Variants in DGKI observed in about 807,000 individuals in gnomAD.
DGKI encodes the protein diacylglycerol kinase iota, also known as DAG kinase iota.
DGKI carries 55 observed loss-of-function variants against 147.5 expected under a neutral mutation model. The ratio of observed to expected loss-of-function variants is 0.37; its 90% CI spans 0.30 to 0.47. The LOEUF (loss-of-function observed/expected upper bound fraction) is 0.47, where lower values mean the gene tolerates loss of function less well. Among genes scored for constraint, DGKI ranks in the 20% least tolerant of loss-of-function variants. The pLI is 1.00. For synonymous variants in DGKI, 469 were observed against 477.1 expected (o/e 0.98, Z 0.22); for missense variants, 1,007 against 1,323.8 (o/e 0.76, Z 3.71).
At chr7:137,688,399 G>A (rs1194003690) in intron 2 of DGKI, among the ~76,000 whole-genome samples, 2 of 152,218 alleles carry the variant, frequency 1.3e-5, no homozygotes, top group South Asian at 4.1e-4. Flanking sequence ...TGTCACATTC[G>A]ATCCTAACAA....
At chr7:137,774,223 A>C (rs913764606) in intron 1 of DGKI, among the ~76,000 whole-genome samples, 7 of 152,226 alleles carry the variant, frequency 4.6e-5, no homozygotes, top group Non-Finnish European at 8.8e-5. Flanking sequence ...AATTAGAGCA[A>C]CATGAAAAGG....
At chr7:137,481,728 T>C (rs1815379356) in intron 23 of DGKI, among the ~76,000 whole-genome samples, 1 of 152,118 alleles carries the variant, frequency 6.6e-6, no homozygotes, top group Non-Finnish European at 1.5e-5. Flanking sequence ...AACTGCCACA[T>C]GGCTCACTAA....
intron 1 of DGKI, among the ~76,000 whole-genome samples, chr7:137,772,499 A>G (rs1450233617): frequency 5.3e-5 from 8 of 152,154 alleles, no homozygotes; most frequent in Non-Finnish European, 1.5e-5. Flanking sequence ...TAATACACAC[A>G]TCTGGTTAGA....
rs563717425 is a variant in DGKI at position 137,667,752 on chromosome 7, A to C, written c.606+10805T>G. On this transcript the variant is annotated intron_variant, in intron 3 of 32. Transcript: ENST00000614521. ...TCCAAGCTATTTGGTGACATAATTA[A>C]GGCAGTCTTCCAGCCAATCTAGTCC... Among the ~76,000 whole-genome samples, 5 of 152,328 alleles carry C rather than the reference A, an allele frequency of 3.3e-5. No individual in the cohort carries two copies. In the South Asian group the frequency reaches 8.3e-4, roughly 25 times the overall value.
chr7:137,578,397 T>G (rs1443861031), intron 15 of DGKI, 72 bp from the exon 16 acceptor site: 4 of 1,064,044 alleles, frequency 3.8e-6, no homozygotes, highest in Non-Finnish European at 4.4e-6. Context: ...GCACTCCTAC[T>G]TCCTCCCCAG....
chr7:137,604,757 A>ACCT (rs1348006392), intron 10 of DGKI, among the ~76,000 whole-genome samples: 10 of 152,188 alleles, frequency 6.6e-5, no homozygotes. Context: ...ACTGGAAGAG[A>ACCT]AAGTCATGAG....
At chr7:137,802,584 G>A (rs1354686756) in intron 1 of DGKI, among the ~76,000 whole-genome samples, 1 of 152,122 alleles carries the variant, frequency 6.6e-6, no homozygotes, top group Non-Finnish European at 1.5e-5. Context: ...GAGGACATGA[G>A]ACTTGCCCAT....
intron 19 of DGKI, among the ~76,000 whole-genome samples, chr7:137,561,172 C>A (rs943400393): frequency 6.6e-6 from 1 of 151,818 alleles, no homozygotes; most frequent in Non-Finnish European, 1.5e-5. Context: ...ATGGAAACTG[C>A]CTAGGTGTCC....
At chr7:137,637,347 T>C (rs1163172792) in intron 6 of DGKI, among the ~76,000 whole-genome samples, 2 of 152,228 alleles carry the variant, frequency 1.3e-5, no homozygotes, top group Non-Finnish European at 2.9e-5. Context: ...TATCTTTTTA[T>C]TGGAGAAGAC....
chr7:137,472,035 C>T (rs1814923254), intron 23 of DGKI, among the ~76,000 whole-genome samples: 1 of 128,782 alleles, frequency 7.8e-6, no homozygotes, highest in Admixed American at 8.6e-5. Flanking sequence ...ATTATATACA[C>T]ACTATATATG....
At position 137,790,692 on chromosome 7, in the gene DGKI, T is replaced by C. The variant is rs79085306; in HGVS notation, c.401+55770A>G. 2.9e-4 allele frequency among the ~76,000 whole-genome samples: 44 copies of C among 152,362 alleles called. 1 individual carries two copies. The East Asian group carries it at 8.3e-3, about 29-fold the overall frequency. ...AACAGAAAGAGCAGGACTCAGAAGA[T>C]GGCTGGTGCATGAATCCCATTCTCT... is the stretch of plus-strand genomic sequence containing the variant. On this transcript the variant is annotated intron_variant, in intron 1 of 32. Coordinates refer to ENST00000614521, the MANE Select transcript of DGKI (RefSeq NM_001321708.2).
At chr7:137,497,347 T>C (rs188618565) in intron 21 of DGKI, among the ~76,000 whole-genome samples, 2 of 152,278 alleles carry the variant, frequency 1.3e-5, no homozygotes, top group Admixed American at 6.5e-5. Flanking sequence ...CTAATGGGAA[T>C]GTAAATTATT....
intron 21 of DGKI, chr7:137,493,966 G>A (rs1220841569): frequency 1.8e-6 from 1 of 547,260 alleles, no homozygotes; most frequent in Admixed American, 3.4e-5. Context: ...AAGATGAAAT[G>A]ACCATTTTAA....
chr7:137,491,649 T>A (rs370719840), intron 21 of DGKI, among the ~76,000 whole-genome samples: 11 of 152,214 alleles, frequency 7.2e-5, no homozygotes, highest in East Asian at 3.8e-4. Flanking sequence ...CCAAGGAGTA[T>A]TAGAACAAAA....
intron 3 of DGKI, among the ~76,000 whole-genome samples, chr7:137,664,438 GAA>G (rs1822564972): frequency 7.1e-6 from 1 of 140,820 alleles, no homozygotes; most frequent in Admixed American, 7.0e-5. Flanking sequence ...AAAAGAAAAA[GAA>G]AGCATAGAGG....
chr7:137,710,032 A>G (rs1405157760), intron 1 of DGKI, among the ~76,000 whole-genome samples: 1 of 152,030 alleles, frequency 6.6e-6, no homozygotes, highest in African/African-American at 2.4e-5. Flanking sequence ...AGAGAAGAGA[A>G]AAAAGGTAAA....
intron 1 of DGKI, among the ~76,000 whole-genome samples, chr7:137,776,955 C>A (rs1032999293): frequency 1.3e-5 from 2 of 151,648 alleles, no homozygotes; most frequent in African/African-American, 4.8e-5. Flanking sequence ...GAGGCTGAGG[C>A]AAAAGAAATG....
intron 11 of DGKI, among the ~76,000 whole-genome samples, chr7:137,599,077 GT>G: frequency 1.3e-5 from 2 of 152,012 alleles, no homozygotes; most frequent in Non-Finnish European, 2.9e-5. Context: ...TAAAAAATAA[GT>G]GGTACCCTTG....
intron 21 of DGKI, among the ~76,000 whole-genome samples, chr7:137,513,160 TA>T (rs960468068): frequency 1.2e-4 from 19 of 152,108 alleles, no homozygotes; most frequent in Non-Finnish European, 2.6e-4. Flanking sequence ...CCTGAGAAAA[TA>T]AAAGCAATCA....
Sources: gnomAD v4.1 joint callset for allele counts (sites outside exome capture counted in the v4.1 genomes callset) on GRCh38, gnomAD v4.1.1 for gene constraint, MANE v1.5 for transcripts, NCBI Gene and HGNC (gene_info 2026-07-23, HGNC 2026-07-21) for gene names.